SHANK2: variants seen among roughly 807,000 people sequenced by gnomAD.
The protein encoded by SHANK2 is SH3 and multiple ankyrin repeat domains 2.
In SHANK2, 43 loss-of-function variants were observed where a neutral mutation model predicts 133.7. The observed-to-expected ratio is 0.32, with a 90% CI of 0.25 to 0.41. The LOEUF is 0.41. Ranked by LOEUF, SHANK2 falls within the 10% of genes least tolerant of loss-of-function variation. The pLI, the probability that SHANK2 is intolerant of heterozygous loss-of-function variation, is 1.00. For synonymous variants in SHANK2, 1,017 were observed against 952.8 expected, an observed-to-expected ratio of 1.07 and a Z score of -1.24; for missense variants, 1,994 against 2,235.8, an observed-to-expected ratio of 0.89 and a Z score of 2.18.
chr11:70,810,731 G>A lies in SHANK2; in HGVS notation c.1494-3560C>T, dbSNP rs545494140. 7.2e-5 allele frequency among the ~76,000 whole-genome samples: 11 copies of A among 152,232 alleles called. No individual in the cohort carries two copies. The East Asian group carries it at 1.9e-3, about 27-fold the overall frequency. ...AGGTGGTAGAGGGTGGGGGTAGGGC[G>A]AATCCCCACCACCTGTGGTTGCTGG... On this transcript the variant is annotated intron_variant, in intron 12 of 25. Coordinates refer to ENST00000601538, the MANE Select transcript of SHANK2 (RefSeq NM_012309.5).
At chr11:70,931,436 T>C (rs1157207026) in intron 10 of SHANK2, among the ~76,000 whole-genome samples, 2 of 152,212 alleles carry the variant, frequency 1.3e-5, no homozygotes, top group African/African-American at 2.4e-5. Flanking sequence ...GAGATGTCTG[T>C]CTACCCCTCC....
intron 2 of SHANK2, among the ~76,000 whole-genome samples, chr11:71,151,050 C>T (rs542483719): frequency 1.2e-4 from 18 of 152,196 alleles, no homozygotes; most frequent in African/African-American, 2.9e-4. Context: ...AGGGAAAGGG[C>T]GACATGATTC....
chr11:70,816,645 T>G (rs919118397), intron 12 of SHANK2, among the ~76,000 whole-genome samples: 5 of 152,148 alleles, frequency 3.3e-5, no homozygotes, highest in African/African-American at 1.2e-4. Context: ...AGCTTTGAGC[T>G]TCGAGGATGA....
chr11:70,774,929 T>A (rs1382228879), intron 14 of SHANK2, among the ~76,000 whole-genome samples: 1 of 151,592 alleles, frequency 6.6e-6, no homozygotes, highest in African/African-American at 2.4e-5. Context: ...AAGGACGAGG[T>A]AGGAGGACTG....
At chr11:70,707,800 A>G (rs1369072756) in intron 14 of SHANK2, among the ~76,000 whole-genome samples, 2 of 152,162 alleles carry the variant, frequency 1.3e-5, no homozygotes, top group Non-Finnish European at 2.9e-5. Flanking sequence ...GTTCTGGTCT[A>G]CAAGTCTCTC....
At chr11:71,064,981 G>A (rs890389151) in intron 9 of SHANK2, among the ~76,000 whole-genome samples, 5 of 152,146 alleles carry the variant, frequency 3.3e-5, no homozygotes, top group African/African-American at 7.2e-5. Flanking sequence ...CAGGCCCGCC[G>A]GAGGTCACCT....
intron 2 of SHANK2, among the ~76,000 whole-genome samples, chr11:71,167,938 C>T (rs1555111390): frequency 6.8e-6 from 1 of 146,678 alleles, no homozygotes; most frequent in African/African-American, 2.6e-5. Flanking sequence ...CCCCCTACCT[C>T]CCTGCCGGAC....
intron 3 of SHANK2, among the ~76,000 whole-genome samples, chr11:71,145,257 G>A (rs1414897513): frequency 3.3e-5 from 5 of 152,120 alleles, no homozygotes; most frequent in African/African-American, 4.8e-5. Flanking sequence ...ACCGTCTTGC[G>A]CTACACATAA....
intron 14 of SHANK2, among the ~76,000 whole-genome samples, chr11:70,748,907 G>A (rs1184908584): frequency 6.6e-6 from 1 of 152,236 alleles, no homozygotes; most frequent in Non-Finnish European, 1.5e-5. Context: ...GCACTGGAGA[G>A]TGCTGCCCTT....
chr11:70,718,408 C>T (rs1555028035), intron 14 of SHANK2, among the ~76,000 whole-genome samples: 1 of 152,246 alleles, frequency 6.6e-6, no homozygotes, highest in African/African-American at 2.4e-5. Flanking sequence ...AAGGCGTGCA[C>T]TGTGCCTTCC....
At chr11:70,490,111 G>T in intron 23 of SHANK2, 165 bp downstream of exon 23, 1 of 637,514 alleles carries the variant, frequency 1.6e-6, no homozygotes, top group Non-Finnish European at 2.9e-6. Context: ...CTCCCTAGTG[G>T]GCAAGGCCAG....
At chr11:70,641,594 C>A (rs533313459) in intron 17 of SHANK2, among the ~76,000 whole-genome samples, 1 of 152,214 alleles carries the variant, frequency 6.6e-6, no homozygotes, top group African/African-American at 2.4e-5. Flanking sequence ...TGCACTTTCT[C>A]TTCTGCCAGC....
intron 13 of SHANK2, among the ~76,000 whole-genome samples, chr11:70,802,289 A>G (rs1948063246): frequency 6.6e-6 from 1 of 152,196 alleles, no homozygotes; most frequent in Non-Finnish European, 1.5e-5. Flanking sequence ...AGCTTGTTGG[A>G]GAAGGGCCAG....
At chr11:70,573,684 C>T (rs527243648) in intron 17 of SHANK2, among the ~76,000 whole-genome samples, 8 of 152,262 alleles carry the variant, frequency 5.3e-5, no homozygotes, top group Admixed American at 2.6e-4. Context: ...CTGGAGTCCA[C>T]ATCCCACGCA....
Position 70,674,163 on chromosome 11 carries a change from C to T in SHANK2, c.1854-12485G>A, listed in dbSNP as rs187899034. Reference sequence around the variant, plus strand: ...GATGCCAGCTCCCCTTAGCCTTCCGCCATGAGTGGAAGCTTCCTGAAGCTC... The same window carrying T: ...GATGCCAGCTCCCCTTAGCCTTCCGTCATGAGTGGAAGCTTCCTGAAGCTC... On this transcript the variant is annotated intron_variant, in intron 15 of 25. Coordinates refer to ENST00000601538, the MANE Select transcript of SHANK2 (RefSeq NM_012309.5). 4.8e-3 allele frequency among the ~76,000 whole-genome samples: 735 copies of T among 152,316 alleles called. 1 individual carries two copies. The highest frequency in any genetic ancestry group is 7.5e-3 in the Admixed American group (115 of 15,300).
At chr11:71,177,023 C>A (rs1167515308) in intron 2 of SHANK2, among the ~76,000 whole-genome samples, 1 of 152,132 alleles carries the variant, frequency 6.6e-6, no homozygotes, top group Non-Finnish European at 1.5e-5. Flanking sequence ...CAGCAGATTT[C>A]TTGATGGAAA....
chr11:71,165,737 G>T (rs1555110702), intron 2 of SHANK2, among the ~76,000 whole-genome samples: 1 of 152,178 alleles, frequency 6.6e-6, no homozygotes, highest in East Asian at 1.9e-4. Flanking sequence ...CTCAGCCAAG[G>T]TTGAGAACTG....
At position 70,502,002 on chromosome 11, in the gene SHANK2, C is replaced by T. The variant is rs1316239463; in HGVS notation, c.2279-71G>A. On this transcript the variant is annotated intron_variant, in intron 19 of 25. Coordinates refer to ENST00000601538, the MANE Select transcript of SHANK2 (RefSeq NM_012309.5). ...CAGAAAAGAGGAAAGGCAGGACTAG[C>T]AACAACGCCCCGCGAGGCTCCGAGG... 4 of 1,506,466 alleles carry T rather than the reference C, an allele frequency of 2.7e-6. No homozygotes were observed. In the African/African-American group the frequency reaches 5.5e-5, roughly 21 times the overall value. The allele number at this position is 1,506,466 out of a possible 1,614,324, so 93.3% of individuals were successfully genotyped here.
intron 12 of SHANK2, 31 bp downstream of exon 12, chr11:70,820,333 C>T (rs1230837167): frequency 3.3e-6 from 2 of 599,586 alleles, no homozygotes; most frequent in Non-Finnish European, 6.1e-6. Flanking sequence ...ACGTGGCGGT[C>T]TTCCTTCCCT....
Sources: gnomAD v4.1 joint callset for allele counts (sites outside exome capture counted in the v4.1 genomes callset) on GRCh38, gnomAD v4.1.1 for gene constraint, MANE v1.5 for transcripts, NCBI Gene and HGNC (gene_info 2026-07-23, HGNC 2026-07-21) for gene names.